BCL2L13: variants seen among roughly 807,000 people sequenced by gnomAD.
BCL2L13 encodes bcl-2-like protein 13.
A neutral mutation model predicts 25.8 loss-of-function variants in BCL2L13; 13 were observed. The observed-to-expected ratio is 0.50, with a 90% CI of 0.33 to 0.80. The LOEUF (loss-of-function observed/expected upper bound fraction) is 0.80, where lower values mean the gene tolerates loss of function less well. Ranked by LOEUF, BCL2L13 falls within the 30% of genes least tolerant of loss-of-function variation. The probability of loss-of-function intolerance (pLI) is 0.02; values close to 1 mark genes in which losing one functional copy is unlikely to be tolerated. For synonymous variants in BCL2L13, 244 were observed against 230.3 expected, an observed-to-expected ratio of 1.06 and a Z score of -0.54; for missense variants, 504 against 574.9, an observed-to-expected ratio of 0.88 and a Z score of 1.26.
chr22:17,658,011 A>G (rs1031675951), intron 2 of BCL2L13, among the ~76,000 whole-genome samples: 2 of 147,272 alleles, frequency 1.4e-5, no homozygotes, highest in Non-Finnish European at 3.0e-5. Flanking sequence ...TAGTAGAGAC[A>G]GGGTTTCACC....
intron 1 of BCL2L13, among the ~76,000 whole-genome samples, chr22:17,648,396 C>G (rs560303283): frequency 3.7e-4 from 56 of 152,036 alleles, no homozygotes; most frequent in Non-Finnish European, 6.9e-4. Context: ...ACTGGAAGCT[C>G]AAGCTAAATT....
At chr22:17,672,614 C>T (rs1385413184) in intron 2 of BCL2L13, among the ~76,000 whole-genome samples, 3 of 152,228 alleles carry the variant, frequency 2.0e-5, no homozygotes, top group Non-Finnish European at 2.9e-5. Context: ...ATCACTGAAT[C>T]TCTCTGTGTC....
chr22:17,722,763 T>A lies in BCL2L13; in HGVS notation c.601-3914T>A, dbSNP rs149124975. Among the ~76,000 whole-genome samples the A allele has an allele frequency of 2.5e-3, 382 of 152,318 alleles. 1 individual carries two copies. Among genetic ancestry groups the A allele is most frequent in the African/African-American group, 8.1e-3 (335 of 41,578 alleles). On this transcript the variant is annotated intron_variant, in intron 6 of 6. Transcript: ENST00000317582. Reference sequence around the variant, plus strand: ...GTAGGATTTTATATTGGAGATTGTATTGAACCAAAGGGTTAATCTGGGAAT... The same window carrying A: ...GTAGGATTTTATATTGGAGATTGTAATGAACCAAAGGGTTAATCTGGGAAT...
chr22:17,721,624 A>G (rs2061135947), intron 6 of BCL2L13, among the ~76,000 whole-genome samples: 1 of 147,900 alleles, frequency 6.8e-6, no homozygotes, highest in African/African-American at 2.5e-5. Context: ...CCCTGGGTTC[A>G]AGCAATTCTC....
At chr22:17,693,130 T>G (rs1393865540) in intron 4 of BCL2L13, among the ~76,000 whole-genome samples, 1 of 151,950 alleles carries the variant, frequency 6.6e-6, no homozygotes, top group Non-Finnish European at 1.5e-5. Flanking sequence ...CTATGTGGGT[T>G]TGGGATAATT....
intron 6 of BCL2L13, among the ~76,000 whole-genome samples, chr22:17,704,988 A>C (rs964498694): frequency 9.8e-6 from 1 of 101,716 alleles, no homozygotes. Flanking sequence ...AAAGATAGGC[A>C]AAAAAAAAAA....
In BCL2L13 at chr22:17,721,119, G is replaced by A. The variant is rs571989573; in HGVS notation, c.601-5558G>A. Among the ~76,000 whole-genome samples the A allele has an allele frequency of 1.5e-4, 23 of 152,048 alleles. 1 individual carries two copies. Among genetic ancestry groups the A allele is most frequent in the Admixed American group, 7.2e-4 (11 of 15,276 alleles). On this transcript the variant is annotated intron_variant, in intron 6 of 6. Transcript: ENST00000317582. ...CGGGAGGTGGAGCTTACAGTGAGCC[G>A]AGATCGTGCCACTGTACTCCAGCCT...
At chr22:17,712,528 C>G (rs2060791662) in intron 6 of BCL2L13, among the ~76,000 whole-genome samples, 1 of 152,144 alleles carries the variant, frequency 6.6e-6, no homozygotes, top group South Asian at 2.1e-4. Context: ...GTACCTGAGC[C>G]TTTCTTTCTG....
At chr22:17,665,393 C>T (rs888756867) in intron 2 of BCL2L13, among the ~76,000 whole-genome samples, 5 of 152,190 alleles carry the variant, frequency 3.3e-5, no homozygotes, top group Non-Finnish European at 7.3e-5. Flanking sequence ...CAGACTCTCC[C>T]ACATTTTTCC....
In BCL2L13 at chr22:17,693,372, G is replaced by GTTT. The variant is rs869268984; in HGVS notation, c.387-2747_387-2745dup. 1.6e-4 allele frequency among the ~76,000 whole-genome samples: 11 copies of GTTT among 70,612 alleles called. 2 individuals are homozygous for GTTT. Among genetic ancestry groups the GTTT allele is most frequent in the African/African-American group, 4.2e-4 (8 of 19,226 alleles). 46.3% of individuals were successfully genotyped at this position (70,612 alleles called of 152,430 possible). ...TTATTTATTTATTTATTTAGTGTTT[G>GTTT]TTTTTTTTTTTTTTTTTTTTTTTTG... On this transcript the variant is annotated intron_variant, in intron 4 of 6. Transcript: ENST00000317582.
At chr22:17,643,316 T>G (rs2058353904) in intron 1 of BCL2L13, among the ~76,000 whole-genome samples, 1 of 151,816 alleles carries the variant, frequency 6.6e-6, no homozygotes, top group Non-Finnish European at 1.5e-5. Flanking sequence ...TTCACTCTTG[T>G]GAGGTCTTCA....
At chr22:17,693,206 T>A in intron 4 of BCL2L13, among the ~76,000 whole-genome samples, 1 of 151,544 alleles carries the variant, frequency 6.6e-6, no homozygotes, top group East Asian at 1.9e-4. Flanking sequence ...AAAATATAAA[T>A]ATATGAAATA....
intron 2 of BCL2L13, among the ~76,000 whole-genome samples, chr22:17,681,146 G>A (rs2059741627): frequency 6.6e-6 from 1 of 152,136 alleles, no homozygotes; most frequent in Non-Finnish European, 1.5e-5. Flanking sequence ...TAGTACATTA[G>A]CCAAATGAAA....
At chr22:17,680,029 A>G (rs2059689102) in intron 2 of BCL2L13, among the ~76,000 whole-genome samples, 1 of 150,836 alleles carries the variant, frequency 6.6e-6, no homozygotes. Flanking sequence ...CCTGGCCAAC[A>G]TGATGAAGCA....
chr22:17,649,056 C>G (rs1267734815), intron 1 of BCL2L13, among the ~76,000 whole-genome samples: 2 of 152,070 alleles, frequency 1.3e-5, no homozygotes, highest in African/African-American at 4.8e-5. Flanking sequence ...CTGCCTCAGC[C>G]CCCCACATTG....
intron 1 of BCL2L13, among the ~76,000 whole-genome samples, chr22:17,644,188 G>C (rs571231211): frequency 6.6e-6 from 1 of 151,494 alleles, no homozygotes. Flanking sequence ...AGGATTACAG[G>C]CATGAGCAAC....
upstream of BCL2L13, among the ~76,000 whole-genome samples, chr22:17,637,824 C>CAAGGCTA (rs2058138855): frequency 6.6e-6 from 1 of 152,172 alleles, no homozygotes; most frequent in Non-Finnish European, 1.5e-5. Flanking sequence ...TCTTTTATCA[C>CAAGGCTA]TTCCTTTAGA....
intron 3 of BCL2L13, chr22:17,684,689 G>A (rs1318337505): frequency 2.3e-6 from 1 of 438,378 alleles, no homozygotes; most frequent in South Asian, 1.6e-5. Flanking sequence ...TCAGCCTCCT[G>A]AGTAGCCAGG....
At chr22:17,662,292 C>CA (rs762859621) in intron 2 of BCL2L13, among the ~76,000 whole-genome samples, 6 of 152,058 alleles carry the variant, frequency 3.9e-5, no homozygotes, top group Non-Finnish European at 5.9e-5. Context: ...TCCTGGCTAA[C>CA]ACAGTGAAAC....
Sources: gnomAD v4.1 joint callset for allele counts (sites outside exome capture counted in the v4.1 genomes callset) on GRCh38, gnomAD v4.1.1 for gene constraint, MANE v1.5 for transcripts, NCBI Gene and HGNC (gene_info 2026-07-23, HGNC 2026-07-21) for gene names.